Variants in GALNTL6 observed in about 807,000 individuals in gnomAD.
GALNTL6 encodes polypeptide N-acetylgalactosaminyltransferase like 6, also known as polypeptide N-acetylgalactosaminyltransferase-like 6.
A neutral mutation model predicts 73.7 loss-of-function variants in GALNTL6; 46 were observed. The observed-to-expected ratio is 0.62, with a 90% CI of 0.49 to 0.80. The LOEUF is 0.80. Ranked by LOEUF, GALNTL6 falls within the 30% of genes least tolerant of loss-of-function variation. The probability of loss-of-function intolerance (pLI) is 0.00; values close to 1 mark genes in which losing one functional copy is unlikely to be tolerated. For missense variants in GALNTL6, 604 were observed against 755.0 expected (o/e 0.80, Z 2.34); for synonymous variants, 259 against 263.7 (o/e 0.98, Z 0.17).
At chr4:172,330,849 TGTTA>T (rs1411560131) in intron 4 of GALNTL6, among the ~76,000 whole-genome samples, 1 of 152,180 alleles carries the variant, frequency 6.6e-6, no homozygotes, top group Non-Finnish European at 1.5e-5. Context: ...GCTGACTTAC[TGTTA>T]GTTTTATGTT....
At chr4:172,971,338 A>T (rs576059379) in intron 10 of GALNTL6, among the ~76,000 whole-genome samples, 1 of 152,356 alleles carries the variant, frequency 6.6e-6, no homozygotes, top group South Asian at 2.1e-4. Context: ...AGTTATAAAT[A>T]TTCAAGAACT....
At chr4:172,462,587 C>T (rs1222339072) in intron 5 of GALNTL6, among the ~76,000 whole-genome samples, 1 of 152,150 alleles carries the variant, frequency 6.6e-6, no homozygotes, top group Admixed American at 6.5e-5. Flanking sequence ...TTTATCTATA[C>T]AGCTCCATCA....
chr4:173,037,462 G>A (rs1246147510), intron 12 of GALNTL6, among the ~76,000 whole-genome samples: 2 of 152,188 alleles, frequency 1.3e-5, no homozygotes, highest in Non-Finnish European at 2.9e-5. Flanking sequence ...TGGTATATTT[G>A]CATACTCGAC....
At chr4:172,210,331 A>G (rs1273806621) in intron 2 of GALNTL6, among the ~76,000 whole-genome samples, 1 of 152,042 alleles carries the variant, frequency 6.6e-6, no homozygotes, top group African/African-American at 2.4e-5. Flanking sequence ...TAGTATTTAT[A>G]TATCTTTAGT....
chr4:172,757,477 G>A lies in GALNTL6; in HGVS notation c.554-51884G>A, dbSNP rs186669365. Reference sequence around the variant, plus strand: ...ATATTTTTTCCATTTTACTGGTGAGGAAACTGAGGCTTAGAGGGATTATAA... The same window carrying A: ...ATATTTTTTCCATTTTACTGGTGAGAAAACTGAGGCTTAGAGGGATTATAA... On this transcript the variant is annotated intron_variant, in intron 5 of 12. Transcript: ENST00000506823. 1.7e-3 allele frequency among the ~76,000 whole-genome samples: 257 copies of A among 152,288 alleles called. 1 individual carries two copies. The highest frequency in any genetic ancestry group is 6.0e-3 in the African/African-American group (250 of 41,566).
intron 5 of GALNTL6, among the ~76,000 whole-genome samples, chr4:172,376,874 C>T (rs925198863): frequency 3.3e-5 from 5 of 152,036 alleles, no homozygotes; most frequent in South Asian, 2.1e-4. Flanking sequence ...GGAGTTTGTT[C>T]CTTCAGATGT....
In GALNTL6 at chr4:172,537,247, G is replaced by C. The variant is rs142769844; in HGVS notation, c.553+188558G>C. ...GATTTCGGAGGGGCCAGGGTGGAAT[G>C]ATACAGTTTGGCTGTGTCCCTACCC... On this transcript the variant is annotated intron_variant, in intron 5 of 12. Transcript: ENST00000506823. Among the ~76,000 whole-genome samples, 400 of 152,334 alleles carry C rather than the reference G, an allele frequency of 2.6e-3. 1 individual carries two copies. Among genetic ancestry groups the C allele is most frequent in the African/African-American group, 9.2e-3 (381 of 41,576 alleles).
rs371233528 is a variant in GALNTL6 at position 172,341,259 on chromosome 4, G to A, written c.387-7264G>A. On this transcript the variant is annotated intron_variant, in intron 4 of 12. Transcript: ENST00000506823. ...GAGGTCAGGAGATCGAGACCATCCC[G>A]GCTAAAACGGTGAAACCCCGTCTCT... 5.3e-5 allele frequency among the ~76,000 whole-genome samples: 8 copies of A among 151,406 alleles called. No homozygotes were observed. In the South Asian group the frequency reaches 6.3e-4, roughly 12 times the overall value.
chr4:172,722,348 C>T lies in GALNTL6; in HGVS notation c.554-87013C>T, dbSNP rs1735531975. On this transcript the variant is annotated intron_variant, in intron 5 of 12. Coordinates refer to ENST00000506823, the MANE Select transcript of GALNTL6 (RefSeq NM_001034845.3). The stretch of plus-strand genomic sequence containing the variant: ...ACATATGACAAATACATGGTGATAA[C>T]AAAGTAACACCCCTTCTAAGAATAA... Among the ~76,000 whole-genome samples, 4 of 151,988 alleles carry T rather than the reference C, an allele frequency of 2.6e-5. No homozygotes were observed. The South Asian group carries it at 8.3e-4, about 32-fold the overall frequency.
chr4:172,157,713 T>C (rs1734329651), intron 2 of GALNTL6, among the ~76,000 whole-genome samples: 1 of 152,218 alleles, frequency 6.6e-6, no homozygotes, highest in South Asian at 2.1e-4. Flanking sequence ...TAAAGATGGG[T>C]TTGATTTTTA....
At chr4:172,137,986 C>T (rs535432584) in intron 2 of GALNTL6, among the ~76,000 whole-genome samples, 1 of 152,144 alleles carries the variant, frequency 6.6e-6, no homozygotes, top group African/African-American at 2.4e-5. Flanking sequence ...CACCAACCTA[C>T]AGTGATTTGG....
At chr4:171,959,094 T>G (rs959538162) in intron 2 of GALNTL6, among the ~76,000 whole-genome samples, 24 of 152,184 alleles carry the variant, frequency 1.6e-4, no homozygotes, top group African/African-American at 5.8e-4. Context: ...TAAGTAAAAC[T>G]TTTTATATTT....
intron 8 of GALNTL6, among the ~76,000 whole-genome samples, chr4:172,924,973 G>A (rs1407771910): frequency 2.6e-5 from 4 of 152,102 alleles, no homozygotes; most frequent in South Asian, 2.1e-4. Flanking sequence ...CCGGGTTCAC[G>A]CCATTCTCCT....
intron 2 of GALNTL6, among the ~76,000 whole-genome samples, chr4:172,042,399 T>G (rs17057985): frequency 0.012 from 1,801 of 152,168 alleles, 33 homozygotes; most frequent in African/African-American, 0.04. Context: ...ACTCCATAAC[T>G]TGTATTTCCA....
intron 3 of GALNTL6, among the ~76,000 whole-genome samples, chr4:172,285,158 T>G (rs568106910): frequency 2.0e-5 from 3 of 152,314 alleles, no homozygotes; most frequent in African/African-American, 4.8e-5. Context: ...CTTCCTTGAT[T>G]AGAGAACTAT....
intron 4 of GALNTL6, among the ~76,000 whole-genome samples, chr4:172,320,355 T>C (rs1255643513): frequency 6.6e-6 from 1 of 152,100 alleles, no homozygotes; most frequent in Non-Finnish European, 1.5e-5. Flanking sequence ...CCCACCCTTA[T>C]CTCCAGAGCT....
intron 2 of GALNTL6, among the ~76,000 whole-genome samples, chr4:171,980,123 A>T (rs1739853534): frequency 6.6e-6 from 1 of 152,222 alleles, no homozygotes; most frequent in Non-Finnish European, 1.5e-5. Flanking sequence ...TAATAATAGC[A>T]TTGAGGAAGA....
rs190095790 is a variant in GALNTL6 at position 172,413,115 on chromosome 4, C to T, written c.553+64426C>T. On this transcript the variant is annotated intron_variant, in intron 5 of 12. Transcript: ENST00000506823. ...AGTGAATCACATAACTATTCATAGC[C>T]GAGTCAAACTGGTAAAGCAAAGAAC... Among the ~76,000 whole-genome samples the T allele has an allele frequency of 3.7e-4, 57 of 152,270 alleles. No homozygotes were observed. The South Asian group carries it at 9.1e-3, about 24-fold the overall frequency.
intron 2 of GALNTL6, among the ~76,000 whole-genome samples, chr4:171,873,900 T>C (rs1736203108): frequency 6.6e-6 from 1 of 152,128 alleles, no homozygotes; most frequent in Non-Finnish European, 1.5e-5. Context: ...TATTAGGTTA[T>C]TGAAATGTCA....
Sources: allele counts gnomAD v4.1 joint callset (sites outside exome capture counted in the v4.1 genomes callset), GRCh38; gene constraint gnomAD v4.1.1; transcripts MANE v1.5; gene names NCBI Gene and HGNC (gene_info 2026-07-23, HGNC 2026-07-21).